Variants in UNC13C observed in about 807,000 individuals in gnomAD.
The protein encoded by UNC13C is protein unc-13 homolog C.
In UNC13C, 174 loss-of-function variants were observed where a neutral mutation model predicts 245.4. That is an observed-to-expected ratio of 0.71 (90% confidence interval 0.63 to 0.80). The LOEUF (loss-of-function observed/expected upper bound fraction) is 0.80, where lower values mean the gene tolerates loss of function less well. Among genes scored for constraint, UNC13C ranks in the 30% least tolerant of loss-of-function variants. The pLI is 0.00. For missense variants in UNC13C, 2,829 were observed against 2,602.9 expected, an observed-to-expected ratio of 1.09 and a Z score of -1.89; for synonymous variants, 992 against 895.1, an observed-to-expected ratio of 1.11 and a Z score of -1.93.
At chr15:54,203,709 T>TATATATACACACATATATACACATATAC (rs1491565361) in intron 4 of UNC13C, among the ~76,000 whole-genome samples, 1 of 145,326 alleles carries the variant, frequency 6.9e-6, no homozygotes, top group Non-Finnish European at 1.5e-5. Context: ...TACATATATG[T>TATATATACACACATATATACACATATAC]ATATATACAC....
the UNC13C span, among the ~76,000 whole-genome samples, chr15:53,858,489 T>A: frequency 6.6e-6 from 1 of 151,962 alleles, no homozygotes; most frequent in Admixed American, 6.6e-5. Context: ...GGCATGATCT[T>A]GGCTCATTGC....
intron 10 of UNC13C, among the ~76,000 whole-genome samples, chr15:54,267,398 A>G (rs1268792474): frequency 6.6e-6 from 1 of 152,104 alleles, no homozygotes; most frequent in African/African-American, 2.4e-5. Context: ...CTCATTCCCA[A>G]TCTCAAGTGG....
chr15:54,483,556 C>T (rs892950240), intron 19 of UNC13C, among the ~76,000 whole-genome samples: 3 of 152,102 alleles, frequency 2.0e-5, no homozygotes, highest in Admixed American at 2.0e-4. Context: ...AGTGCAGTGG[C>T]GCGATCTCAG....
intron 2 of UNC13C, among the ~76,000 whole-genome samples, chr15:54,113,341 T>G (rs1426192355): frequency 6.6e-6 from 1 of 152,146 alleles, no homozygotes; most frequent in African/African-American, 2.4e-5. Flanking sequence ...GGAAGACAAG[T>G]AGTGGGAAAA....
chr15:54,213,534 G>A (rs950735541), intron 4 of UNC13C, among the ~76,000 whole-genome samples: 2 of 151,988 alleles, frequency 1.3e-5, no homozygotes, highest in Non-Finnish European at 2.9e-5. Context: ...GTTAAGTCTT[G>A]TTAACTTTGT....
the UNC13C span, among the ~76,000 whole-genome samples, chr15:53,922,765 A>T: frequency 0.012 from 1,871 of 152,260 alleles, 34 homozygotes; most frequent in African/African-American, 0.043. Flanking sequence ...AGAAACTTTT[A>T]TTTGCAGTAT....
At chr15:54,572,759 G>A (rs1405250766) in intron 30 of UNC13C, among the ~76,000 whole-genome samples, 1 of 151,814 alleles carries the variant, frequency 6.6e-6, no homozygotes, top group South Asian at 2.1e-4. Context: ...GTTCTGTGGG[G>A]GAAATTACTG....
At chr15:54,384,968 T>C (rs1333206004) in intron 17 of UNC13C, among the ~76,000 whole-genome samples, 1 of 152,112 alleles carries the variant, frequency 6.6e-6, no homozygotes, top group Middle Eastern at 3.2e-3. Flanking sequence ...AACATCACTT[T>C]ACTCCAGTTA....
At chr15:54,041,097 C>G (rs1005552425) in intron 2 of UNC13C, among the ~76,000 whole-genome samples, 2 of 152,154 alleles carry the variant, frequency 1.3e-5, no homozygotes, top group African/African-American at 2.4e-5. Context: ...GTCTGTTTTG[C>G]TTATTAATGG....
chr15:53,849,357 T>C, the UNC13C span, among the ~76,000 whole-genome samples: 1 of 152,132 alleles, frequency 6.6e-6, no homozygotes, highest in South Asian at 2.1e-4. Flanking sequence ...ATGTATTATT[T>C]ATATGTCTCT....
chr15:54,618,908 G>C (rs560802575), intron 30 of UNC13C, among the ~76,000 whole-genome samples: 1 of 152,016 alleles, frequency 6.6e-6, no homozygotes, highest in African/African-American at 2.4e-5. Flanking sequence ...AAGACATTTT[G>C]TCAAAAAACA....
At chr15:54,210,874 C>T (rs151039508) in intron 4 of UNC13C, among the ~76,000 whole-genome samples, 29 of 152,206 alleles carry the variant, frequency 1.9e-4, no homozygotes, top group African/African-American at 6.5e-4. Context: ...GCAGGACACG[C>T]GGTGGACTTA....
the UNC13C span, among the ~76,000 whole-genome samples, chr15:53,863,279 G>T: frequency 6.6e-6 from 1 of 152,286 alleles, no homozygotes; most frequent in Non-Finnish European, 1.5e-5. Context: ...CCTCCAGGCT[G>T]TCTGGGGCGG....
intron 11 of UNC13C, among the ~76,000 whole-genome samples, chr15:54,296,233 C>T (rs1210296682): frequency 6.6e-6 from 1 of 151,988 alleles, no homozygotes; most frequent in Middle Eastern, 3.2e-3. Flanking sequence ...CGGAGTCTCG[C>T]TCTATCCCCC....
intron 4 of UNC13C, among the ~76,000 whole-genome samples, chr15:54,145,211 T>G (rs1185349257): frequency 6.6e-6 from 1 of 152,130 alleles, no homozygotes; most frequent in Non-Finnish European, 1.5e-5. Flanking sequence ...ATGTTTTAGT[T>G]TTTTTATCTA....
At chr15:54,356,053 C>T (rs1226018965) in intron 17 of UNC13C, among the ~76,000 whole-genome samples, 1 of 152,160 alleles carries the variant, frequency 6.6e-6, no homozygotes, top group Non-Finnish European at 1.5e-5. Flanking sequence ...ATCTCCAATG[C>T]ACTAAAATAT....
intron 16 of UNC13C, among the ~76,000 whole-genome samples, chr15:54,335,970 C>A (rs12907211): frequency 0.25 from 38,185 of 151,832 alleles, 5,229 homozygotes; most frequent in Admixed American, 0.34. Flanking sequence ...GTATATATTT[C>A]TTATTCTAGT....
chr15:54,149,260 T>G (rs965175202), intron 4 of UNC13C, among the ~76,000 whole-genome samples: 2 of 152,190 alleles, frequency 1.3e-5, no homozygotes, highest in Non-Finnish European at 2.9e-5. Context: ...TCATGTTGTG[T>G]TTTTATAGCA....
chr15:54,450,789 G>T (rs1236108038), intron 19 of UNC13C, among the ~76,000 whole-genome samples: 1 of 152,098 alleles, frequency 6.6e-6, no homozygotes, highest in African/African-American at 2.4e-5. Context: ...TGCCCCCACT[G>T]TCCGACAAGC....
Sources: allele counts gnomAD v4.1 joint callset (sites outside exome capture counted in the v4.1 genomes callset), GRCh38; gene constraint gnomAD v4.1.1; transcripts MANE v1.5; gene names NCBI Gene and HGNC (gene_info 2026-07-23, HGNC 2026-07-21).